Variants in ADGRB3 observed in about 807,000 individuals in gnomAD.
ADGRB3 encodes brain-specific angiogenesis inhibitor 3.
ADGRB3 carries 37 observed loss-of-function variants against 193.4 expected under a neutral mutation model. The observed-to-expected ratio is 0.19, with a 90% CI of 0.15 to 0.25. The LOEUF (loss-of-function observed/expected upper bound fraction) is 0.25, where lower values mean the gene tolerates loss of function less well. Ranked by LOEUF, ADGRB3 falls within the 10% of genes least tolerant of loss-of-function variation. The pLI is 1.00. For missense variants in ADGRB3, 1,637 were observed against 1,852.9 expected, an observed-to-expected ratio of 0.88 and a Z score of 2.14; for synonymous variants, 690 against 644.2, an observed-to-expected ratio of 1.07 and a Z score of -1.08.
intron 16 of ADGRB3, among the ~76,000 whole-genome samples, chr6:69,074,195 G>A (rs1562147723): frequency 6.6e-6 from 1 of 152,006 alleles, no homozygotes; most frequent in Non-Finnish European, 1.5e-5. Context: ...GGCCTTTCAG[G>A]GAATTTTTAG....
At chr6:69,118,759 AT>A (rs1773603789) in intron 17 of ADGRB3, among the ~76,000 whole-genome samples, 1 of 148,764 alleles carries the variant, frequency 6.7e-6, no homozygotes, top group African/African-American at 2.5e-5. Context: ...GAAAAAAAAA[AT>A]AAGAGCCTCC....
chr6:68,918,445 T>C (rs1766941459), intron 3 of ADGRB3, among the ~76,000 whole-genome samples: 1 of 152,218 alleles, frequency 6.6e-6, no homozygotes, highest in Non-Finnish European at 1.5e-5. Context: ...GGACCATGTT[T>C]AATGGATATT....
In ADGRB3 at chr6:69,327,830, A is replaced by T. The variant is rs772858115; in HGVS notation, c.2976A>T (p.Ala992=). ...RFLCLGWGLP[A]LVVATSVGFT... is the part of the protein sequence containing the mutation. ...TTGCTTTTCTTGCAGGTTTACCAGC[A>T]TTAGTAGTGGCCACATCAGTAGGCT... Residue 992 remains alanine, a synonymous_variant, in exon 22 of 32, where the codon GCA becomes GCT. Coordinates refer to ENST00000370598, the MANE Select transcript of ADGRB3 (RefSeq NM_001704.3). The T allele has an allele frequency of 6.2e-7, 1 of 1,609,526 alleles. No individual in the cohort carries two copies. The highest frequency in any genetic ancestry group is 1.7e-5 in the Admixed American group (1 of 59,978).
chr6:69,257,035 G>A (rs1242837593), intron 20 of ADGRB3, among the ~76,000 whole-genome samples: 1 of 152,058 alleles, frequency 6.6e-6, no homozygotes, highest in Admixed American at 6.6e-5. Flanking sequence ...AACCAGCCTT[G>A]CATCCCAGGG....
chr6:69,149,958 G>T (rs912864503), intron 17 of ADGRB3, among the ~76,000 whole-genome samples: 2 of 150,348 alleles, frequency 1.3e-5, no homozygotes, highest in African/African-American at 4.9e-5. Context: ...GTGTGTGTGT[G>T]TGTGTGTGTG....
intron 17 of ADGRB3, among the ~76,000 whole-genome samples, chr6:69,077,684 C>T (rs562640775): frequency 1.7e-4 from 26 of 152,160 alleles, no homozygotes; most frequent in South Asian, 1.0e-3. Context: ...ACCTCCCTAA[C>T]ATCTGCTGAT....
rs1445416478 is a variant in ADGRB3, at chr6:69,018,459, G to T, written c.2067G>T (p.Met689Ile). The T allele has an allele frequency of 3.7e-6, 6 of 1,608,800 alleles. No homozygotes were observed. In the South Asian group the frequency reaches 5.5e-5, roughly 15 times the overall value. ...TTATACACATTGTTGGAATGGGGAT[G>T]ATGGACTTTCAGAATTCATACTTAA... ...EDFIHIVGMG[M>I]MDFQNSYLMT... is the part of the protein sequence containing the mutation. Residue 689 changes from methionine (M) to isoleucine (I), a missense_variant, in exon 13 of 32, where the codon ATG becomes ATT. Around this residue, in one of 7 missense-constraint regions of ADGRB3, gnomAD observed 641 missense variants for 673.9 expected, o/e 0.95. Transcript: ENST00000370598.
At chr6:68,855,278 C>T (rs1764947269) in intron 3 of ADGRB3, among the ~76,000 whole-genome samples, 2 of 152,152 alleles carry the variant, frequency 1.3e-5, no homozygotes. Flanking sequence ...TGAATACTTG[C>T]AAATAGCAAA....
At chr6:69,029,685 A>G (rs1246391482) in intron 13 of ADGRB3, among the ~76,000 whole-genome samples, 4 of 152,196 alleles carry the variant, frequency 2.6e-5, no homozygotes, top group African/African-American at 4.8e-5. Flanking sequence ...TATAACAGAG[A>G]TAGTGATGGT....
rs181277860 is a variant in ADGRB3 at position 69,209,550 on chromosome 6, C to T, written c.2481-23740C>T. Among the ~76,000 whole-genome samples, 56 of 152,296 alleles carry T rather than the reference C, an allele frequency of 3.7e-4. No homozygotes were observed. In the East Asian group the frequency reaches 9.9e-3, roughly 27 times the overall value. On this transcript the variant is annotated intron_variant, in intron 17 of 31. Transcript: ENST00000370598. ...AACATAATGTCATCAATGTAATGGA[C>T]CAGTGTGATATCTTGTGGAAGCAAA... is the stretch of plus-strand genomic sequence containing the variant.
intron 20 of ADGRB3, among the ~76,000 whole-genome samples, chr6:69,268,812 C>A (rs951612751): frequency 2.6e-5 from 4 of 152,076 alleles, no homozygotes; most frequent in African/African-American, 9.7e-5. Flanking sequence ...CCAAAATGGG[C>A]TGGCCGGGTC....
intron 10 of ADGRB3, among the ~76,000 whole-genome samples, chr6:68,991,074 GT>G (rs1260792810): frequency 2.0e-5 from 3 of 151,950 alleles, no homozygotes; most frequent in African/African-American, 7.3e-5. Flanking sequence ...AGCACCAGAC[GT>G]TTTTCAGCTC....
chr6:69,137,056 CTTTTTTTTTTTTT>C (rs71548125), intron 17 of ADGRB3, among the ~76,000 whole-genome samples: 2 of 80,112 alleles, frequency 2.5e-5, no homozygotes, highest in Non-Finnish European at 4.9e-5. Flanking sequence ...TCTTTTCTTT[CTTTTTTTTTTTTT>C]TTTTTTTAAT....
chr6:68,988,404 G>T (rs1451257034), intron 10 of ADGRB3, among the ~76,000 whole-genome samples: 5 of 152,232 alleles, frequency 3.3e-5, no homozygotes, highest in South Asian at 4.2e-4. Flanking sequence ...AGGGAGCAAA[G>T]ACAGAATCCA....
chr6:68,728,144 A>C (rs1765706554), intron 3 of ADGRB3, among the ~76,000 whole-genome samples: 1 of 151,520 alleles, frequency 6.6e-6, no homozygotes, highest in African/African-American at 2.4e-5. Context: ...AATTCCTAGA[A>C]CAGAGGCTAT....
At chr6:69,210,936 A>G (rs959442956) in intron 17 of ADGRB3, among the ~76,000 whole-genome samples, 23 of 151,662 alleles carry the variant, frequency 1.5e-4, no homozygotes, top group Non-Finnish European at 2.5e-4. Flanking sequence ...TAACACGGTG[A>G]AACCCCGTCT....
chr6:69,376,346 A>G (rs1338532545), intron 30 of ADGRB3, among the ~76,000 whole-genome samples: 3 of 151,576 alleles, frequency 2.0e-5, no homozygotes, highest in Non-Finnish European at 4.4e-5. Flanking sequence ...GATCCCCTTG[A>G]CTCAGCCTCC....
intron 3 of ADGRB3, among the ~76,000 whole-genome samples, chr6:68,794,896 C>CA (rs922414836): frequency 1.7e-4 from 26 of 152,194 alleles, no homozygotes; most frequent in African/African-American, 6.3e-4. Context: ...GATGGCAAAA[C>CA]ACTCTATTTC....
At chr6:68,932,969 A>C (rs550534780) in intron 4 of ADGRB3, among the ~76,000 whole-genome samples, 124 of 150,676 alleles carry the variant, frequency 8.2e-4, no homozygotes, top group Middle Eastern at 3.6e-3. Context: ...ACAGAGTGAT[A>C]AAGTGAGTGT....
Sources: gnomAD v4.1 joint callset for allele counts (sites outside exome capture counted in the v4.1 genomes callset) on GRCh38, gnomAD v4.1.1 for gene constraint, gnomAD v4.1.1 regional missense constraint, MANE v1.5 for transcripts, NCBI Gene and HGNC (gene_info 2026-07-23, HGNC 2026-07-21) for gene names.